Variants in LRRC8C observed in about 807,000 individuals in gnomAD.
The protein encoded by LRRC8C is volume-regulated anion channel subunit LRRC8C.
Under a neutral mutation model 55.3 loss-of-function variants are expected in LRRC8C, and 20 were observed. That is an observed-to-expected ratio of 0.36 (90% confidence interval 0.25 to 0.53). The LOEUF is 0.53. Ranked by LOEUF, LRRC8C falls within the 20% of genes least tolerant of loss-of-function variation. The pLI, the probability that LRRC8C is intolerant of heterozygous loss-of-function variation, is 0.92. For synonymous variants in LRRC8C, 376 were observed against 360.7 expected, an observed-to-expected ratio of 1.04 and a Z score of -0.48; for missense variants, 659 against 951.4, an observed-to-expected ratio of 0.69 and a Z score of 4.04.
At chr1:89,630,680 T>A (rs1656083764), upstream of LRRC8C, among the ~76,000 whole-genome samples, 1 of 152,212 alleles carries the variant, frequency 6.6e-6, no homozygotes, top group Non-Finnish European at 1.5e-5. Context: ...GTATGCATGA[T>A]TCCCATGAAC....
chr1:89,707,888 T>C lies in LRRC8C; in HGVS notation c.139-4821T>C, dbSNP rs1658528590. The stretch of plus-strand genomic sequence containing the variant: ...GCAGTTTAGCTGTCTCTTTGTACCT[T>C]GGCTTAATCTGACCCTTGCTCTCAG... On this transcript the variant is annotated intron_variant, in intron 2 of 2. Transcript: ENST00000370454. Among the ~76,000 whole-genome samples the C allele has an allele frequency of 3.3e-5, 5 of 152,072 alleles. No individual in the cohort carries two copies. In the South Asian group the frequency reaches 1.0e-3, roughly 32 times the overall value.
chr1:89,684,302 C>A lies in LRRC8C; in HGVS notation c.-4-2168C>A, dbSNP rs147659607. Among the ~76,000 whole-genome samples the A allele has an allele frequency of 6.7e-3, 1,019 of 152,216 alleles. 9 individuals carry two copies. The highest frequency in any genetic ancestry group is 0.014 in the South Asian group (66 of 4,826). On this transcript the variant is annotated intron_variant, in intron 1 of 2. Coordinates refer to ENST00000370454, the MANE Select transcript of LRRC8C (RefSeq NM_032270.5). ...CAATTTCCTCTACGATGTAAAGAAACCTATGGAGGAGACAACAACCAAATC... is the reference window on the plus strand; with the variant it reads ...CAATTTCCTCTACGATGTAAAGAAAACTATGGAGGAGACAACAACCAAATC...
intron 1 of LRRC8C, among the ~76,000 whole-genome samples, chr1:89,679,652 C>T (rs1657643940): frequency 6.6e-6 from 1 of 152,176 alleles, no homozygotes; most frequent in Admixed American, 6.5e-5. Context: ...TGTTGAATTC[C>T]TATTTCATGT....
chr1:89,683,532 AT>A (rs1657787290), intron 1 of LRRC8C, among the ~76,000 whole-genome samples: 1 of 151,806 alleles, frequency 6.6e-6, no homozygotes, highest in East Asian at 1.9e-4. Context: ...TAATTTTTGT[AT>A]TTTTAGTAGA....
Position 89,716,118 on chromosome 1 carries a change from C to A in LRRC8C, c.*1136C>A, listed in dbSNP as rs911348427. 1 of 152,122 alleles carries A rather than the reference C, an allele frequency of 6.6e-6. No homozygotes were observed. The highest frequency in any genetic ancestry group is 2.4e-5 in the African/African-American group (1 of 41,426). 9.4% of individuals were successfully genotyped at this position (152,122 alleles called of 1,614,324 possible). ...CAGACTTTTTCCTTGTCATTATTCC[C>A]TAAACAATACAGCGTAACAACTATT... On this transcript the variant is annotated 3_prime_UTR_variant, in exon 3 of 3. Transcript: ENST00000370454.
intron 1 of LRRC8C, among the ~76,000 whole-genome samples, chr1:89,653,186 T>G (rs573942916): frequency 2.6e-5 from 4 of 152,214 alleles, no homozygotes; most frequent in African/African-American, 4.8e-5. Context: ...AGGGCATTTG[T>G]ACTCAAATTA....
chr1:89,649,240 G>T (rs1043409176), intron 1 of LRRC8C, among the ~76,000 whole-genome samples: 1 of 152,112 alleles, frequency 6.6e-6, no homozygotes, highest in African/African-American at 2.4e-5. Flanking sequence ...AAACTAATTT[G>T]TCTAAGCATT....
chr1:89,645,957 T>TTAGA (rs1557647284), intron 1 of LRRC8C, among the ~76,000 whole-genome samples: 1 of 63,798 alleles, frequency 1.6e-5, no homozygotes, highest in Non-Finnish European at 3.1e-5. Flanking sequence ...AGGAAGATGA[T>TTAGA]CAGATAGATA....
At chr1:89,647,496 C>T (rs971001182) in intron 1 of LRRC8C, among the ~76,000 whole-genome samples, 2 of 152,030 alleles carry the variant, frequency 1.3e-5, no homozygotes, top group Non-Finnish European at 2.9e-5. Context: ...TGTTTCATTT[C>T]GGTATTTTGA....
intron 1 of LRRC8C, among the ~76,000 whole-genome samples, chr1:89,675,966 G>T (rs1424378295): frequency 6.6e-6 from 1 of 152,214 alleles, no homozygotes; most frequent in Admixed American, 6.5e-5. Flanking sequence ...TTTATGAACA[G>T]TTTTTGAAGG....
the LRRC8C span, among the ~76,000 whole-genome samples, chr1:89,619,460 T>C: frequency 6.7e-6 from 1 of 149,870 alleles, no homozygotes; most frequent in East Asian, 1.9e-4. Context: ...ATTTAAATAA[T>C]CAAATAAACT....
intron 2 of LRRC8C, among the ~76,000 whole-genome samples, chr1:89,691,336 A>G (rs886303190): frequency 6.6e-6 from 1 of 152,224 alleles, no homozygotes; most frequent in Non-Finnish European, 1.5e-5. Context: ...ATATTTTAAT[A>G]AGACGCATGA....
chr1:89,641,056 G>T (rs138858095), intron 1 of LRRC8C, among the ~76,000 whole-genome samples: 1 of 152,100 alleles, frequency 6.6e-6, no homozygotes, highest in Non-Finnish European at 1.5e-5. Context: ...ATTTAGAATA[G>T]TATATGACAT....
At chr1:89,647,682 G>C (rs1005019205) in intron 1 of LRRC8C, among the ~76,000 whole-genome samples, 2 of 152,000 alleles carry the variant, frequency 1.3e-5, no homozygotes, top group African/African-American at 4.8e-5. Context: ...TTTTCATTTT[G>C]AGTTACCAGT....
intron 2 of LRRC8C, among the ~76,000 whole-genome samples, chr1:89,688,018 G>A (rs1204734753): frequency 6.6e-6 from 1 of 152,102 alleles, no homozygotes; most frequent in African/African-American, 2.4e-5. Flanking sequence ...CTTATATATA[G>A]GTTCTATTAC....
At chr1:89,616,246 T>C in the LRRC8C span, among the ~76,000 whole-genome samples, 1 of 152,124 alleles carries the variant, frequency 6.6e-6, no homozygotes, top group Non-Finnish European at 1.5e-5. Flanking sequence ...ATCAACCCAG[T>C]GTGAGTTCAG....
chr1:89,628,500 C>T (rs1346462853), upstream of LRRC8C, among the ~76,000 whole-genome samples: 1 of 152,174 alleles, frequency 6.6e-6, no homozygotes, highest in Admixed American at 6.5e-5. Context: ...AGTGATGTTG[C>T]ACCTCGGCCT....
At chr1:89,674,742 C>T (rs1286582578) in intron 1 of LRRC8C, among the ~76,000 whole-genome samples, 1 of 152,120 alleles carries the variant, frequency 6.6e-6, no homozygotes, top group East Asian at 1.9e-4. Context: ...AATTAGTCAA[C>T]CGTTAGTGTT....
intron 1 of LRRC8C, among the ~76,000 whole-genome samples, chr1:89,658,315 G>C (rs1657007187): frequency 6.6e-6 from 1 of 152,000 alleles, no homozygotes; most frequent in Non-Finnish European, 1.5e-5. Flanking sequence ...ACAGCCTAAG[G>C]GTCTGAAATA....
Sources: gnomAD v4.1 joint callset for allele counts (sites outside exome capture counted in the v4.1 genomes callset) on GRCh38, gnomAD v4.1.1 for gene constraint, MANE v1.5 for transcripts, NCBI Gene and HGNC (gene_info 2026-07-23, HGNC 2026-07-21) for gene names.